The following GPHN variants were observed in gnomAD, a reference collection of about 807,000 sequenced individuals.
The protein encoded by GPHN is gephyrin.
In GPHN, 17 loss-of-function variants were observed where a neutral mutation model predicts 95.5. That is an observed-to-expected ratio of 0.18 (90% CI 0.12 to 0.27). GPHN has a LOEUF of 0.27. GPHN is among the 10% of genes least tolerant of loss of function. GPHN has a pLI of 1.00. For synonymous variants in GPHN, 320 were observed against 322.5 expected, an observed-to-expected ratio of 0.99 and a Z score of 0.08; for missense variants, 660 against 978.1, an observed-to-expected ratio of 0.67 and a Z score of 4.34.
intron 2 of GPHN, chr14:66,709,514 T>A: frequency 2.4e-6 from 1 of 420,590 alleles, no homozygotes; most frequent in Non-Finnish European, 4.9e-6. Flanking sequence ...GACAAAGGGA[T>A]GATTCATGTC....
the GPHN span, among the ~76,000 whole-genome samples, chr14:67,325,112 A>G: frequency 5.9e-5 from 9 of 151,870 alleles, no homozygotes; most frequent in East Asian, 1.9e-4. Context: ...TCACCATGTT[A>G]GCCAGGATGG....
chr14:67,035,097 A>C (rs538306456), intron 10 of GPHN, among the ~76,000 whole-genome samples: 1 of 152,146 alleles, frequency 6.6e-6, no homozygotes, highest in African/African-American at 2.4e-5. Context: ...CAATAGCAGT[A>C]GGAAAACTGG....
At chr14:67,571,840 C>T in the GPHN span, 28 of 1,613,860 alleles carry the variant, frequency 1.7e-5, no homozygotes, top group South Asian at 1.8e-4. Context: ...TTCCGAATCT[C>T]GGTCCCCTCC....
chr14:67,419,827 A>T, the GPHN span, among the ~76,000 whole-genome samples: 1 of 151,126 alleles, frequency 6.6e-6, no homozygotes, highest in East Asian at 2.0e-4. Context: ...CCAGCCTGGG[A>T]GACAGAGCCA....
At chr14:67,554,227 G>A in the GPHN span, among the ~76,000 whole-genome samples, 2 of 152,176 alleles carry the variant, frequency 1.3e-5, no homozygotes, top group Non-Finnish European at 2.9e-5. Context: ...CTAGCAGCAG[G>A]CTGGGGGGTC....
chr14:67,586,239 C>A, the GPHN span: 1 of 1,154,242 alleles, frequency 8.7e-7, no homozygotes, highest in Non-Finnish European at 1.3e-6. Context: ...ATTAGTATTC[C>A]AAAGGTTCAG....
chr14:67,297,040 C>A, the GPHN span, among the ~76,000 whole-genome samples: 1,325 of 152,290 alleles, frequency 8.7e-3, 12 homozygotes, highest in Non-Finnish European at 0.015. Context: ...GAAAGCCAGT[C>A]ACATTATTTT....
the GPHN span, chr14:67,684,988 A>C: frequency 6.4e-7 from 1 of 1,574,244 alleles, no homozygotes. Flanking sequence ...AATAAATCTC[A>C]TCTGCAAAAA....
chr14:66,954,856 C>T lies in GPHN; in HGVS notation c.829-10335C>T, dbSNP rs577112532. Among the ~76,000 whole-genome samples, 8 of 152,230 alleles carry T rather than the reference C, an allele frequency of 5.3e-5. 1 individual carries two copies. The South Asian group carries it at 1.0e-3, about 20-fold the overall frequency. On this transcript the variant is annotated intron_variant, in intron 8 of 22. Transcript: ENST00000478722. ...GCATCAAATGTTTGTTCTACATTAA[C>T]GGAGATGATCATTTGTGAAGTTTTT...
At chr14:67,476,527 C>T in the GPHN span, among the ~76,000 whole-genome samples, 2 of 152,204 alleles carry the variant, frequency 1.3e-5, no homozygotes, top group East Asian at 1.9e-4. Flanking sequence ...GCGGAGGTTG[C>T]AGTGAGCCAA....
At chr14:67,573,228 G>C in the GPHN span, 1 of 1,183,542 alleles carries the variant, frequency 8.4e-7, no homozygotes, top group Admixed American at 1.7e-5. This position sits in a 1 kb window ranked among gnomAD's most constrained non-coding sequence, Gnocchi z 4.8. Context: ...ATGTCTAGGA[G>C]CCCTGAGTGA....
chr14:66,518,092 G>A (rs1349322703), intron 1 of GPHN, among the ~76,000 whole-genome samples: 3 of 119,010 alleles, frequency 2.5e-5, no homozygotes, highest in African/African-American at 9.9e-5. Context: ...CATCTTAACA[G>A]CCAAATAAAT....
chr14:67,100,448 C>T (rs2077633602), intron 12 of GPHN, among the ~76,000 whole-genome samples: 2 of 152,084 alleles, frequency 1.3e-5, no homozygotes, highest in South Asian at 4.2e-4. Flanking sequence ...GTGATAAATC[C>T]ATTTATATAT....
intron 3 of GPHN, among the ~76,000 whole-genome samples, chr14:66,816,341 AG>A (rs2060964156): frequency 6.6e-6 from 1 of 152,202 alleles, no homozygotes; most frequent in African/African-American, 2.4e-5. Flanking sequence ...TAAAAACAAC[AG>A]AATTTACATT....
At chr14:66,980,282 TGC>T (rs768856428) in intron 9 of GPHN, among the ~76,000 whole-genome samples, 14 of 152,184 alleles carry the variant, frequency 9.2e-5, no homozygotes, top group Non-Finnish European at 1.9e-4. Context: ...AAACGAGGTA[TGC>T]CTGTATACCA....
chr14:67,673,100 T>G, the GPHN span, among the ~76,000 whole-genome samples: 2 of 152,202 alleles, frequency 1.3e-5, no homozygotes, highest in East Asian at 3.8e-4. Flanking sequence ...TATTTAAAAC[T>G]GAAGTCCCAA....
At chr14:66,984,917 C>T (rs1299111045) in intron 9 of GPHN, among the ~76,000 whole-genome samples, 1 of 149,254 alleles carries the variant, frequency 6.7e-6, no homozygotes, top group African/African-American at 2.5e-5. Flanking sequence ...TTAAAAAGTA[C>T]CTCCTCTAAT....
intron 1 of GPHN, among the ~76,000 whole-genome samples, chr14:66,585,642 A>G (rs867662916): frequency 1.3e-5 from 2 of 152,000 alleles, no homozygotes; most frequent in Non-Finnish European, 2.9e-5. Context: ...CCATTTCGTT[A>G]TGTACCCAGT....
At position 66,539,122 on chromosome 14, in the gene GPHN, G is replaced by C. The variant is rs556874524; in HGVS notation, c.64+30531G>C. 9.7e-4 allele frequency among the ~76,000 whole-genome samples: 147 copies of C among 152,264 alleles called. 1 individual carries two copies. The Middle Eastern group carries it at 0.034, about 35-fold the overall frequency. Reference sequence around the variant, plus strand: ...GCAGGAGATCTAATTCTGTTCTTTAGAGGTTTTGAGATTAGCCCGGTAATC... The same window carrying C: ...GCAGGAGATCTAATTCTGTTCTTTACAGGTTTTGAGATTAGCCCGGTAATC... On this transcript the variant is annotated intron_variant, in intron 1 of 22. Transcript: ENST00000478722.
Sources: gnomAD v4.1 joint callset for allele counts (sites outside exome capture counted in the v4.1 genomes callset) on GRCh38, gnomAD v4.1.1 for gene constraint, Gnocchi (gnomAD v3.1) non-coding constraint, MANE v1.5 for transcripts, NCBI Gene and HGNC (gene_info 2026-07-23, HGNC 2026-07-21) for gene names.